PDE4D: variants seen among roughly 807,000 people sequenced by gnomAD.
PDE4D encodes the protein phosphodiesterase 4D, also known as 3',5'-cyclic-AMP phosphodiesterase 4D.
In PDE4D, 24 loss-of-function variants were observed where a neutral mutation model predicts 87.4. That is an observed-to-expected ratio of 0.27 (90% confidence interval 0.20 to 0.39). The LOEUF is 0.39. Ranked by LOEUF, PDE4D falls within the 10% of genes least tolerant of loss-of-function variation. The probability of loss-of-function intolerance (pLI) is 1.00; values close to 1 mark genes in which losing one functional copy is unlikely to be tolerated. For synonymous variants in PDE4D, 384 were observed against 383.2 expected, an observed-to-expected ratio of 1.00 and a Z score of -0.02; for missense variants, 714 against 1,041.0, an observed-to-expected ratio of 0.69 and a Z score of 4.32.
At chr5:59,740,189 CTGTGT>C (rs542986256) in intron 1 of PDE4D, among the ~76,000 whole-genome samples, 2 of 152,148 alleles carry the variant, frequency 1.3e-5, no homozygotes, top group Non-Finnish European at 2.9e-5. Context: ...GGCCCACTTA[CTGTGT>C]TAAGTGCAGA....
intron 1 of PDE4D, among the ~76,000 whole-genome samples, chr5:59,223,098 T>C (rs1407753002): frequency 2.0e-5 from 3 of 152,086 alleles, no homozygotes; most frequent in Admixed American, 6.6e-5. Context: ...ATCAATGAGG[T>C]GACAGATGCT....
At chr5:60,253,826 G>A (rs535000369) in intron 1 of PDE4D, among the ~76,000 whole-genome samples, 13 of 151,874 alleles carry the variant, frequency 8.6e-5, no homozygotes, top group African/African-American at 2.2e-4. Flanking sequence ...TGGGACTGTC[G>A]GTATTTCAGA....
intron 11 of PDE4D, among the ~76,000 whole-genome samples, chr5:58,982,258 T>C (rs770750508): frequency 2.0e-5 from 3 of 152,210 alleles, no homozygotes; most frequent in Non-Finnish European, 4.4e-5. Context: ...ATTCAGAGCA[T>C]ATATGGCCTT....
chr5:60,441,198 G>C (rs1049434986), intron 1 of PDE4D, among the ~76,000 whole-genome samples: 14 of 152,072 alleles, frequency 9.2e-5, no homozygotes, highest in African/African-American at 3.1e-4. Context: ...ATACTACAAG[G>C]CTACAGTAAC....
intron 1 of PDE4D, among the ~76,000 whole-genome samples, chr5:59,561,083 A>T (rs172362): frequency 6.6e-6 from 1 of 152,092 alleles, no homozygotes; most frequent in African/African-American, 2.4e-5. Flanking sequence ...TGAGGTTAAC[A>T]AAGTTGCATT....
At chr5:58,983,864 C>T (rs896166614) in intron 11 of PDE4D, among the ~76,000 whole-genome samples, 7 of 152,180 alleles carry the variant, frequency 4.6e-5, no homozygotes, top group Admixed American at 2.6e-4. Flanking sequence ...CAGAGTAACA[C>T]ACACAAAGAA....
intron 1 of PDE4D, among the ~76,000 whole-genome samples, chr5:59,884,665 T>C (rs377186792): frequency 5.3e-5 from 8 of 152,036 alleles, no homozygotes; most frequent in African/African-American, 1.9e-4. Flanking sequence ...AACATAGAAT[T>C]AATGGGACAA....
chr5:59,599,459 T>C (rs1827184515), intron 1 of PDE4D, among the ~76,000 whole-genome samples: 2 of 152,000 alleles, frequency 1.3e-5, no homozygotes, highest in Admixed American at 1.3e-4. Flanking sequence ...TAGGCTGGTC[T>C]TGAACTCCTG....
At chr5:59,607,319 T>G (rs369288836) in intron 1 of PDE4D, among the ~76,000 whole-genome samples, 1 of 152,126 alleles carries the variant, frequency 6.6e-6, no homozygotes, top group African/African-American at 2.4e-5. Context: ...ACTGACTGAG[T>G]GCCCAGCATC....
chr5:59,062,075 C>T (rs925111395), intron 5 of PDE4D, among the ~76,000 whole-genome samples: 1 of 152,062 alleles, frequency 6.6e-6, no homozygotes, highest in African/African-American at 2.4e-5. Context: ...ATAGCATTAT[C>T]TAAGTAGGAA....
chr5:60,503,103 T>A (rs1049783930), intron 1 of PDE4D, among the ~76,000 whole-genome samples: 1 of 152,280 alleles, frequency 6.6e-6, no homozygotes, highest in African/African-American at 2.4e-5. Context: ...TTTTTGATGA[T>A]GTGGATTGAC....
chr5:59,128,134 T>C (rs1209765029), intron 5 of PDE4D, among the ~76,000 whole-genome samples: 1 of 151,902 alleles, frequency 6.6e-6, no homozygotes, highest in African/African-American at 2.4e-5. Flanking sequence ...GTCTTTGATA[T>C]AAGGCTATTC....
intron 1 of PDE4D, among the ~76,000 whole-genome samples, chr5:60,420,156 A>G (rs1686961608): frequency 6.6e-6 from 1 of 152,212 alleles, no homozygotes; most frequent in Non-Finnish European, 1.5e-5. Flanking sequence ...ACATCATTGC[A>G]GTTCAGGTCC....
chr5:59,557,937 T>C (rs2153690379), intron 1 of PDE4D, among the ~76,000 whole-genome samples: 1 of 152,300 alleles, frequency 6.6e-6, no homozygotes, highest in South Asian at 2.1e-4. Flanking sequence ...TCTAGAGACA[T>C]TAAAATCACA....
intron 1 of PDE4D, among the ~76,000 whole-genome samples, chr5:59,386,691 AAGGGAGGG>A (rs142788943): frequency 7.3e-6 from 1 of 136,206 alleles, no homozygotes; most frequent in Non-Finnish European, 1.6e-5. Context: ...GCGCAGGAGG[AAGGGAGGG>A]AGGGAGGGAG....
At chr5:59,251,126 T>G (rs570302157) in intron 1 of PDE4D, among the ~76,000 whole-genome samples, 1 of 152,224 alleles carries the variant, frequency 6.6e-6, no homozygotes, top group East Asian at 1.9e-4. Context: ...AGGCAAAGAT[T>G]CATGACAAAG....
At chr5:59,579,593 T>C (rs1823731788) in intron 1 of PDE4D, among the ~76,000 whole-genome samples, 1 of 152,232 alleles carries the variant, frequency 6.6e-6, no homozygotes, top group South Asian at 2.1e-4. Context: ...CCATTTCATC[T>C]GTCACAAAGT....
rs548869215 is a variant in PDE4D at position 59,245,295 on chromosome 5, C to T, written c.456-29327G>A. 3.3e-5 allele frequency among the ~76,000 whole-genome samples: 5 copies of T among 152,218 alleles called. No homozygotes were observed. In the East Asian group the frequency reaches 9.7e-4, roughly 29 times the overall value. Reference sequence around the variant, plus strand: ...AAAATAATGGTCAAGCGAATATGTGCTTTTGCCCAAAAAGGAAAGTAGCAC... The same window carrying T: ...AAAATAATGGTCAAGCGAATATGTGTTTTTGCCCAAAAAGGAAAGTAGCAC... On this transcript the variant is annotated intron_variant, in intron 1 of 14. Coordinates refer to ENST00000340635, the MANE Select transcript of PDE4D (RefSeq NM_001104631.2).
At chr5:60,444,188 T>A (rs1336141566) in intron 1 of PDE4D, among the ~76,000 whole-genome samples, 1 of 152,180 alleles carries the variant, frequency 6.6e-6, no homozygotes, top group East Asian at 1.9e-4. Flanking sequence ...AAAGTTGACA[T>A]TATGGCTTCA....
Sources: allele counts gnomAD v4.1 joint callset (sites outside exome capture counted in the v4.1 genomes callset), GRCh38; gene constraint gnomAD v4.1.1; transcripts MANE v1.5; gene names NCBI Gene and HGNC (gene_info 2026-07-23, HGNC 2026-07-21).